The following ZRANB1 variants were observed in gnomAD, a reference collection of about 807,000 sequenced individuals.
ZRANB1 encodes zinc finger RANBP2-type containing 1.
A neutral mutation model predicts 80.5 loss-of-function variants in ZRANB1; 16 were observed. The ratio of observed to expected loss-of-function variants is 0.20; its 90% CI spans 0.13 to 0.30. ZRANB1 has a LOEUF of 0.30. ZRANB1 is among the 10% of genes least tolerant of loss of function. The pLI, the probability that ZRANB1 is intolerant of heterozygous loss-of-function variation, is 1.00. For synonymous variants in ZRANB1, 291 were observed against 293.1 expected (o/e 0.99, Z 0.07); for missense variants, 576 against 862.6 (o/e 0.67, Z 4.16).
Position 124,970,201 on chromosome 10 carries a change from T to A in ZRANB1, c.1003-1764T>A, listed in dbSNP as rs910193378. On this transcript the variant is annotated intron_variant, in intron 2 of 8. Transcript: ENST00000359653. ...TAAGATATAGTGAGAATTTTCATGGTTAATGGTAATCTTGGCCAATAAAGT... is the reference window on the plus strand; with the variant it reads ...TAAGATATAGTGAGAATTTTCATGGATAATGGTAATCTTGGCCAATAAAGT... 2.0e-5 allele frequency among the ~76,000 whole-genome samples: 3 copies of A among 152,212 alleles called. No individual in the cohort carries two copies. In the South Asian group the frequency reaches 6.2e-4, roughly 32 times the overall value.
chr10:124,921,398 G>A, the ZRANB1 span, among the ~76,000 whole-genome samples: 1 of 152,106 alleles, frequency 6.6e-6, no homozygotes, highest in African/African-American at 2.4e-5. Context: ...AAATAAGCTG[G>A]TCCACAGAAT....
At chr10:124,966,531 A>G (rs1397222686) in intron 1 of ZRANB1, 63 bp from the exon 2 acceptor site, 12 of 1,521,036 alleles carry the variant, frequency 7.9e-6, no homozygotes, top group South Asian at 3.5e-5. Context: ...AGTGATTGCT[A>G]CGGTTTGTGT....
intron 1 of ZRANB1, among the ~76,000 whole-genome samples, chr10:124,961,121 C>T (rs1439326806): frequency 2.0e-5 from 3 of 152,050 alleles, no homozygotes; most frequent in Non-Finnish European, 2.9e-5. Flanking sequence ...CCTGCCTCAG[C>T]CTCCCGAGTA....
In ZRANB1 at chr10:124,984,938, G is replaced by A; in HGVS notation, c.2073G>A (p.Arg691=). ...EKWLDRYRQI[R]PCTSLSDGEE... ...GGCTTGACCGCTACCGACAGATCCG[G>A]CCGTGTACATCCCTGTCTGATGGAG... The change falls in exon 9 of 9, where the codon CGG becomes CGA. Residue 691 remains arginine (R), a synonymous_variant. Transcript: ENST00000359653. The A allele has an allele frequency of 6.2e-7, 1 of 1,614,010 alleles. No homozygotes were observed. Among genetic ancestry groups the A allele is most frequent in the Non-Finnish European group, 8.5e-7 (1 of 1,180,008 alleles).
intron 1 of ZRANB1, 53 bp from the exon 2 acceptor site, chr10:124,966,541 T>G: frequency 6.4e-7 from 1 of 1,572,072 alleles, no homozygotes; most frequent in Non-Finnish European, 8.7e-7. Context: ...ACGGTTTGTG[T>G]TTTTTGAAGA....
chr10:124,919,583 C>T, the ZRANB1 span, among the ~76,000 whole-genome samples: 2 of 148,298 alleles, frequency 1.3e-5, no homozygotes, highest in Non-Finnish European at 3.0e-5. Context: ...TAATTTGGTT[C>T]AGGTTTTTTT....
At chr10:124,934,396 C>T in the ZRANB1 span, among the ~76,000 whole-genome samples, 1 of 152,178 alleles carries the variant, frequency 6.6e-6, no homozygotes, top group Non-Finnish European at 1.5e-5. Flanking sequence ...TACAATTTCA[C>T]ACTAATTTAG....
the ZRANB1 span, among the ~76,000 whole-genome samples, chr10:124,936,172 GGT>G: frequency 6.6e-6 from 1 of 152,068 alleles, no homozygotes; most frequent in Non-Finnish European, 1.5e-5. Flanking sequence ...GGGAGTGAGT[GGT>G]GTGTGTGTTT....
chr10:124,983,333 A>T lies in ZRANB1; in HGVS notation c.1678+29A>T. On this transcript the variant is annotated intron_variant, in intron 7 of 8. Transcript: ENST00000359653. The surrounding 1 kb of genome is among the most constrained non-coding windows in gnomAD (Gnocchi z 6.2). ...AGCCATTATTCAGGAACGTTTTACA[A>T]GTTTCTTTGAACGGAATGGCTCAGA... 6.2e-7 allele frequency: 1 copy of T among 1,611,556 alleles called. No homozygotes were observed. Among genetic ancestry groups the T allele is most frequent in the Non-Finnish European group, 8.5e-7 (1 of 1,178,566 alleles).
At chr10:124,970,738 C>A (rs1469198543) in intron 2 of ZRANB1, among the ~76,000 whole-genome samples, 1 of 152,112 alleles carries the variant, frequency 6.6e-6, no homozygotes, top group Admixed American at 6.5e-5. Flanking sequence ...GCTTCACACC[C>A]CACTGTGGCT....
intron 1 of ZRANB1, among the ~76,000 whole-genome samples, chr10:124,953,116 G>C (rs1951656193): frequency 7.3e-6 from 1 of 137,302 alleles, no homozygotes; most frequent in South Asian, 2.3e-4. Context: ...TTTTTAAGTA[G>C]AGACAGGGTT....
At chr10:124,932,556 G>A in the ZRANB1 span, among the ~76,000 whole-genome samples, 3 of 152,144 alleles carry the variant, frequency 2.0e-5, no homozygotes, top group Admixed American at 1.3e-4. Flanking sequence ...CTCCCAGAGT[G>A]CTGGGATTAC....
intron 2 of ZRANB1, 47 bp downstream of exon 2, chr10:124,966,828 T>C (rs1342178060): frequency 6.7e-7 from 1 of 1,487,056 alleles, no homozygotes; most frequent in Admixed American, 2.0e-5. Context: ...TAAAGAAACC[T>C]GTTCTTTAGT....
chr10:124,962,245 C>T lies in ZRANB1; in HGVS notation c.815-4349C>T, dbSNP rs139514235. On this transcript the variant is annotated intron_variant, in intron 1 of 8. Transcript: ENST00000359653. Reference sequence around the variant, plus strand: ...ATCTTTCTCTGACCATGGTAAAGGACATTCTGAACATTACCACTTAAAACT... The same window carrying T: ...ATCTTTCTCTGACCATGGTAAAGGATATTCTGAACATTACCACTTAAAACT... 137 of 226,094 alleles carry T rather than the reference C, an allele frequency of 6.1e-4. 1 individual carries two copies. Among genetic ancestry groups the T allele is most frequent in the Non-Finnish European group, 4.8e-4 (65 of 135,692 alleles). The allele number at this position is 226,094 out of a possible 1,614,324, so 14.0% of individuals were successfully genotyped here.
chr10:124,917,499 C>T, the ZRANB1 span, among the ~76,000 whole-genome samples: 3 of 151,930 alleles, frequency 2.0e-5, no homozygotes, highest in Non-Finnish European at 4.4e-5. Flanking sequence ...CGGGTCCGCC[C>T]AGCTTGTTTA....
intron 2 of ZRANB1, among the ~76,000 whole-genome samples, chr10:124,970,150 T>A (rs1951809897): frequency 1.3e-5 from 2 of 152,250 alleles, no homozygotes; most frequent in African/African-American, 4.8e-5. Context: ...TGTTTGAGTG[T>A]TGACTAATGG....
chr10:124,923,557 G>A, the ZRANB1 span, among the ~76,000 whole-genome samples: 1 of 151,904 alleles, frequency 6.6e-6, no homozygotes, highest in South Asian at 2.1e-4. Context: ...GTGCCACTGC[G>A]CTTCAGCCTG....
At chr10:124,920,575 A>G in the ZRANB1 span, among the ~76,000 whole-genome samples, 1 of 151,994 alleles carries the variant, frequency 6.6e-6, no homozygotes, top group African/African-American at 2.4e-5. Context: ...TGTTGTTCCT[A>G]TGAAGTCCCT....
At chr10:124,950,917 G>A (rs766329846) in intron 1 of ZRANB1, among the ~76,000 whole-genome samples, 5 of 152,222 alleles carry the variant, frequency 3.3e-5, no homozygotes, top group Admixed American at 2.0e-4. Flanking sequence ...AGGCTGCAGC[G>A]GGCCATGATT....
Sources: allele counts gnomAD v4.1 joint callset (sites outside exome capture counted in the v4.1 genomes callset), GRCh38; gene constraint gnomAD v4.1.1; non-coding constraint Gnocchi (gnomAD v3.1); transcripts MANE v1.5; gene names NCBI Gene and HGNC (gene_info 2026-07-23, HGNC 2026-07-21).